TMEM62: variants seen among roughly 807,000 people sequenced by gnomAD.
TMEM62 encodes transmembrane protein 62.
In TMEM62, 41 loss-of-function variants were observed where a neutral mutation model predicts 70.4. The observed-to-expected ratio is 0.58, with a 90% CI of 0.45 to 0.76. The LOEUF (loss-of-function observed/expected upper bound fraction) is 0.76. Ranked by LOEUF, TMEM62 falls within the 30% of genes least tolerant of loss-of-function variation. The pLI is 0.00. For synonymous variants in TMEM62, 268 were observed against 291.0 expected (o/e 0.92, Z 0.80); for missense variants, 688 against 788.5 (o/e 0.87, Z 1.53).
chr15:43,178,275 A>G (rs1423206182), intron 11 of TMEM62, among the ~76,000 whole-genome samples: 2 of 151,864 alleles, frequency 1.3e-5, no homozygotes. Context: ...TTCAGTTATT[A>G]TATATATATG....
Position 43,184,368 on chromosome 15 carries a change from A to T in TMEM62, c.1714A>T (p.Ile572Phe). 6.2e-7 allele frequency: 1 copy of T among 1,614,210 alleles called. No homozygotes were observed. The highest frequency in any genetic ancestry group is 1.7e-5 in the Admixed American group (1 of 60,024). The part of the protein sequence containing the change: ...SHLHQRKYLK[I>F]MPVHLLMLLL... ...TCTCCATCAAAGAAAATACTTGAAA[A>T]TTATGCCTGTTCACCTACTTATGCT... Residue 572 changes from isoleucine to phenylalanine, a missense_variant, in exon 14 of 14, where the codon ATT becomes TTT. Coordinates refer to ENST00000260403, the MANE Select transcript of TMEM62 (RefSeq NM_024956.4).
chr15:43,133,713 G>A lies in TMEM62; in HGVS notation c.-90G>A. 1.1e-6 allele frequency: 1 copy of A among 925,980 alleles called. No homozygotes were observed. The highest frequency in any genetic ancestry group is 1.4e-6 in the Non-Finnish European group (1 of 703,842). 57.4% of individuals were successfully genotyped at this position (925,980 alleles called of 1,614,324 possible). ...ATCCAGCTCTGGCCCTGCGACAATA[G>A]AGTCCGGAAGTGCAGGCAAAGCGGC... On this transcript the variant is annotated 5_prime_UTR_variant, in exon 1 of 14. Coordinates refer to ENST00000260403, the MANE Select transcript of TMEM62 (RefSeq NM_024956.4).
At chr15:43,144,022 A>T (rs1213815288) in intron 4 of TMEM62, among the ~76,000 whole-genome samples, 1 of 152,250 alleles carries the variant, frequency 6.6e-6, no homozygotes, top group Admixed American at 6.5e-5. Flanking sequence ...AAATAACATG[A>T]AGAAATGGCC....
At chr15:43,169,949 A>G in intron 11 of TMEM62, 1 of 288,138 alleles carries the variant, frequency 3.5e-6, no homozygotes, top group Non-Finnish European at 6.4e-6. Context: ...GATATCTTGA[A>G]GTGGGGGCTT....
intron 11 of TMEM62, 120 bp from the exon 12 acceptor site, chr15:43,178,487 C>T (rs1373528372): frequency 8.1e-6 from 5 of 616,156 alleles, no homozygotes; most frequent in South Asian, 2.3e-5. Flanking sequence ...GTATAGTTAC[C>T]ATCTAACAAA....
chr15:43,169,325 T>C (rs533901682), intron 10 of TMEM62, among the ~76,000 whole-genome samples: 1 of 152,312 alleles, frequency 6.6e-6, no homozygotes, highest in East Asian at 1.9e-4. Flanking sequence ...ACAATAGGTA[T>C]TCCTTTTACT....
At chr15:43,134,477 C>G in intron 2 of TMEM62, 109 bp downstream of exon 2, 1 of 802,306 alleles carries the variant, frequency 1.2e-6, no homozygotes, top group Non-Finnish European at 2.1e-6. Flanking sequence ...ATAGCCACAG[C>G]CCCAGGTGAG....
intron 10 of TMEM62, among the ~76,000 whole-genome samples, chr15:43,166,551 G>A (rs2039434256): frequency 6.7e-6 from 1 of 149,894 alleles, no homozygotes; most frequent in Non-Finnish European, 1.5e-5. Flanking sequence ...TCTCCTTGAG[G>A]TTTTTCTTTT....
In TMEM62 at chr15:43,133,806, G is replaced by C; in HGVS notation, c.4G>C (p.Ala2Pro). Residue 2 changes from alanine to proline, a missense_variant, in exon 1 of 14, where the codon GCT becomes CCT. By Grantham distance (27) the Ala-to-Pro change is conservative. Coordinates refer to ENST00000260403, the MANE Select transcript of TMEM62 (RefSeq NM_024956.4). M[A>P]AVLALRVVAG... ...CGCGCCCCGGCGGGCGGGCGGCATG[G>C]CTGCAGTGCTGGCTCTCAGGGTGGT... 1 of 1,393,942 alleles carries C rather than the reference G, an allele frequency of 7.2e-7. No individual in the cohort carries two copies. The highest frequency in any genetic ancestry group is 9.3e-7 in the Non-Finnish European group (1 of 1,080,228). 86.3% of individuals were successfully genotyped at this position (1,393,942 alleles called of 1,614,324 possible). A position where few individuals can be genotyped will look rare whatever the true frequency, so the allele number is the denominator to read the frequency against.
intron 11 of TMEM62, among the ~76,000 whole-genome samples, chr15:43,172,056 C>T (rs975308493): frequency 6.6e-6 from 1 of 152,152 alleles, no homozygotes; most frequent in East Asian, 1.9e-4. Flanking sequence ...TTTTATGGAA[C>T]AATTTTTGAA....
At chr15:43,149,277 A>G in intron 7 of TMEM62, 126 bp downstream of exon 7, 1 of 997,904 alleles carries the variant, frequency 1.0e-6, no homozygotes, top group Non-Finnish European at 1.4e-6. Context: ...TGTTTTTTTA[A>G]AGTAATATAT....
At position 43,133,786 on chromosome 15, in the gene TMEM62, C is replaced by A; in HGVS notation, c.-17C>A. Reference sequence around the variant, plus strand: ...TGCGCGGGATCAGCGAGGGCCGCGCCCCGGCGGGCGGGCGGCATGGCTGCA... The same window carrying A: ...TGCGCGGGATCAGCGAGGGCCGCGCACCGGCGGGCGGGCGGCATGGCTGCA... On this transcript the variant is annotated 5_prime_UTR_variant, in exon 1 of 14. Transcript: ENST00000260403. 7.4e-7 allele frequency: 1 copy of A among 1,352,970 alleles called. No individual in the cohort carries two copies. Among genetic ancestry groups the A allele is most frequent in the South Asian group, 1.9e-5 (1 of 52,886 alleles). 83.8% of individuals were successfully genotyped at this position (1,352,970 alleles called of 1,614,324 possible). A position where few individuals can be genotyped will look rare whatever the true frequency, so the allele number is the denominator to read the frequency against.
chr15:43,162,577 G>A (rs1306450354), intron 10 of TMEM62, among the ~76,000 whole-genome samples: 4 of 151,632 alleles, frequency 2.6e-5, no homozygotes, highest in Non-Finnish European at 4.4e-5. Flanking sequence ...GATTACCGGC[G>A]CCCACCACCA....
At chr15:43,160,119 T>A (rs1214531467) in intron 9 of TMEM62, among the ~76,000 whole-genome samples, 1 of 151,830 alleles carries the variant, frequency 6.6e-6, no homozygotes, top group African/African-American at 2.4e-5. Flanking sequence ...CAGGTGCGTA[T>A]CACCATGCCT....
intron 10 of TMEM62, among the ~76,000 whole-genome samples, chr15:43,161,817 C>G (rs1235524772): frequency 6.6e-6 from 1 of 151,858 alleles, no homozygotes; most frequent in Non-Finnish European, 1.5e-5. Flanking sequence ...CCTGCCACCA[C>G]GCCCAGCTAA....
chr15:43,170,302 A>G (rs1413284237), intron 11 of TMEM62, among the ~76,000 whole-genome samples: 1 of 152,166 alleles, frequency 6.6e-6, no homozygotes, highest in Non-Finnish European at 1.5e-5. Context: ...TGAGAACTCA[A>G]TTTTTAAGGT....
rs983956579 is a variant in TMEM62, at chr15:43,177,738, T to C, written c.1382-869T>C. Among the ~76,000 whole-genome samples, 8 of 151,958 alleles carry C rather than the reference T, an allele frequency of 5.3e-5. 1 individual carries two copies. Among genetic ancestry groups the C allele is most frequent in the Non-Finnish European group, 7.4e-5 (5 of 68,020 alleles). ...TTGGAAATCATCATTCTCAGTAAAC[T>C]ATCGCAAGGACAAAAAACCAAACAC... On this transcript the variant is annotated intron_variant, in intron 11 of 13. Transcript: ENST00000260403.
intron 3 of TMEM62, 28 bp from the exon 4 acceptor site, chr15:43,138,546 G>A (rs772315623): frequency 7.1e-7 from 1 of 1,410,118 alleles, no homozygotes; most frequent in East Asian, 2.3e-5. Context: ...GTGGATGAAT[G>A]TTTGCTTTTT....
Position 43,148,774 on chromosome 15 carries a change from TATTAC to T in TMEM62, c.639_643del (p.Leu213PhefsTer66), listed in dbSNP as rs891882036. ...TCTCAGAAAAAGATGGAGGAGCTCT[TATTAC>T]TGGCCAAGGAAAGCAGTCGGAGCAA... On this transcript the variant is annotated frameshift_variant, in exon 6 of 14. Coordinates refer to ENST00000260403, the MANE Select transcript of TMEM62 (RefSeq NM_024956.4). LOFTEE classifies it high-confidence loss of function. 1 of 1,613,934 alleles carries T rather than the reference TATTAC, an allele frequency of 6.2e-7. No homozygotes were observed. The highest frequency in any genetic ancestry group is 1.3e-5 in the African/African-American group (1 of 74,922).
Sources: allele counts gnomAD v4.1 joint callset (sites outside exome capture counted in the v4.1 genomes callset), GRCh38; gene constraint gnomAD v4.1.1; transcripts MANE v1.5; gene names NCBI Gene and HGNC (gene_info 2026-07-23, HGNC 2026-07-21).